The following MTREX variants were observed in gnomAD, a reference collection of about 807,000 sequenced individuals.
MTREX encodes the protein exosome RNA helicase MTR4.
In MTREX, 76 loss-of-function variants were observed where a neutral mutation model predicts 135.4. The ratio of observed to expected loss-of-function variants is 0.56; its 90% CI spans 0.47 to 0.68. The LOEUF is 0.68. Among genes scored for constraint, MTREX ranks in the 30% least tolerant of loss-of-function variants. MTREX has a pLI of 0.00. For synonymous variants in MTREX, 404 were observed against 401.6 expected, an observed-to-expected ratio of 1.01 and a Z score of -0.07; for missense variants, 920 against 1,262.1, an observed-to-expected ratio of 0.73 and a Z score of 4.11.
intron 1 of MTREX, among the ~76,000 whole-genome samples, chr5:55,314,502 C>T (rs764037403): frequency 3.9e-5 from 6 of 152,142 alleles, no homozygotes; most frequent in Admixed American, 3.9e-4. Context: ...TAGAAGGGCT[C>T]TGGCTGACTT....
Position 55,322,569 on chromosome 5 carries a change from G to T in MTREX, c.272+105G>T, listed in dbSNP as rs183182873. ...GCTACTTAGATATATGCCCGTATTA[G>T]AGAAATGAAGATATTCTTTCTATTT... On this transcript the variant is annotated intron_variant, in intron 2 of 26. Coordinates refer to ENST00000230640, the MANE Select transcript of MTREX (RefSeq NM_015360.5). 7 of 732,400 alleles carry T rather than the reference G, an allele frequency of 9.6e-6. No homozygotes were observed. In the Admixed American group the frequency reaches 1.8e-4, roughly 18 times the overall value. The allele number at this position is 732,400 out of a possible 1,614,324, so 45.4% of individuals were successfully genotyped here. A position where few individuals can be genotyped will look rare whatever the true frequency, so the allele number is the denominator to read the frequency against.
rs142631916 is a variant in MTREX at position 55,378,102 on chromosome 5, G to A, written c.1811-212G>A. Among the ~76,000 whole-genome samples the A allele has an allele frequency of 5.2e-3, 796 of 152,142 alleles. 7 individuals carry two copies. Among genetic ancestry groups the A allele is most frequent in the African/African-American group, 0.018 (763 of 41,506 alleles). ...ACATTTCTTTGCAGTTGTCAGTCAT[G>A]TCTATCCAATAAAGCCTCCATAAAA... is the stretch of plus-strand genomic sequence containing the variant. On this transcript the variant is annotated intron_variant, in intron 16 of 26. Transcript: ENST00000230640.
At chr5:55,351,988 A>AT (rs548964162) in intron 13 of MTREX, among the ~76,000 whole-genome samples, 1 of 147,236 alleles carries the variant, frequency 6.8e-6, no homozygotes, top group East Asian at 2.0e-4. Context: ...TCCCCAACTA[A>AT]TTTTTTTTTC....
In MTREX at chr5:55,385,223, G is replaced by T. The variant is rs1357677420; in HGVS notation, c.2053-2751G>T. On this transcript the variant is annotated intron_variant, in intron 18 of 26. Coordinates refer to ENST00000230640, the MANE Select transcript of MTREX (RefSeq NM_015360.5). Reference sequence around the variant, plus strand: ...GAAGCAGGGGCATAGGTGGAGGGTTGGGGTGTAGCCTCAGGTATTTTCATC... The same window carrying T: ...GAAGCAGGGGCATAGGTGGAGGGTTTGGGTGTAGCCTCAGGTATTTTCATC... Among the ~76,000 whole-genome samples the T allele has an allele frequency of 5.3e-5, 8 of 152,236 alleles. No homozygotes were observed. The East Asian group carries it at 1.5e-3, about 29-fold the overall frequency.
intron 1 of MTREX, among the ~76,000 whole-genome samples, chr5:55,314,719 C>T (rs895884871): frequency 4.6e-5 from 7 of 152,198 alleles, no homozygotes; most frequent in Non-Finnish European, 2.9e-5. Flanking sequence ...TTTAAGCCAA[C>T]CATCGCCAAC....
intron 14 of MTREX, chr5:55,356,474 G>T (rs945465255): frequency 8.3e-5 from 17 of 205,404 alleles, no homozygotes; most frequent in Non-Finnish European, 1.5e-4. Context: ...AGATGAACTG[G>T]TGCAGATTCT....
chr5:55,353,289 T>C lies in MTREX; in HGVS notation c.1533+20T>C, dbSNP rs773500826. The C allele has an allele frequency of 1.3e-6, 2 of 1,507,100 alleles. No homozygotes were observed. Among genetic ancestry groups the C allele is most frequent in the Non-Finnish European group, 1.8e-6 (2 of 1,092,048 alleles). 93.4% of individuals were successfully genotyped at this position (1,507,100 alleles called of 1,614,324 possible). A position where few individuals can be genotyped will look rare whatever the true frequency, so the allele number is the denominator to read the frequency against. On this transcript the variant is annotated intron_variant, in intron 14 of 26. Coordinates refer to ENST00000230640, the MANE Select transcript of MTREX (RefSeq NM_015360.5). ...CGATGGGTAAGTAAAGCAATTCATATATCAAAATAATTTTTGTCTTTGTTA... is the reference window on the plus strand; with the variant it reads ...CGATGGGTAAGTAAAGCAATTCATACATCAAAATAATTTTTGTCTTTGTTA...
chr5:55,309,849 A>G (rs1324846605), intron 1 of MTREX, among the ~76,000 whole-genome samples: 1 of 152,226 alleles, frequency 6.6e-6, no homozygotes, highest in Non-Finnish European at 1.5e-5. Context: ...AAGAGATTAG[A>G]GGGATAAGAG....
At chr5:55,336,751 G>A (rs572275402) in intron 5 of MTREX, among the ~76,000 whole-genome samples, 3 of 152,256 alleles carry the variant, frequency 2.0e-5, no homozygotes, top group East Asian at 1.9e-4. Flanking sequence ...TTGTCTCTCC[G>A]TATCCATGGG....
At chr5:55,378,765 T>G (rs1192628467) in intron 17 of MTREX, among the ~76,000 whole-genome samples, 2 of 152,210 alleles carry the variant, frequency 1.3e-5, no homozygotes, top group Non-Finnish European at 2.9e-5. Flanking sequence ...ATGCTAACTA[T>G]AACTGTTCAT....
chr5:55,350,843 T>C (rs1749815658), intron 12 of MTREX, 76 bp from the exon 13 acceptor site: 1 of 1,210,226 alleles, frequency 8.3e-7, no homozygotes, highest in Non-Finnish European at 1.2e-6. Flanking sequence ...CTTTACTGTT[T>C]TTCTTAATTT....
In MTREX at chr5:55,402,872, G is replaced by GTGTATA. The variant is rs70992784; in HGVS notation, c.2481+2452_2481+2453insGTATAT. On this transcript the variant is annotated intron_variant, in intron 21 of 26. Transcript: ENST00000230640. ...TATGTATGTGTGTGTGTGTGTGTGT[G>GTGTATA]TATATATATAATTTCTTTTTTTTTT... Among the ~76,000 whole-genome samples the GTGTATA allele has an allele frequency of 4.9e-3, 674 of 138,842 alleles. 15 individuals carry two copies. The highest frequency in any genetic ancestry group is 0.039 in the Admixed American group (523 of 13,574). 91.1% of individuals were successfully genotyped at this position (138,842 alleles called of 152,430 possible).
At chr5:55,345,041 T>G (rs1347608453) in intron 9 of MTREX, 53 bp from the exon 10 acceptor site, 9 of 1,068,204 alleles carry the variant, frequency 8.4e-6, no homozygotes, top group Non-Finnish European at 1.3e-5. Context: ...GAAAAATGTT[T>G]GAATTATGAT....
chr5:55,376,102 A>C (rs1011497472), intron 16 of MTREX, among the ~76,000 whole-genome samples: 1 of 152,234 alleles, frequency 6.6e-6, no homozygotes, highest in African/African-American at 2.4e-5. Context: ...TAATCCATAA[A>C]GATTTTCTGC....
intron 4 of MTREX, among the ~76,000 whole-genome samples, chr5:55,328,409 C>T (rs181098904): frequency 2.6e-5 from 4 of 152,106 alleles, no homozygotes; most frequent in Admixed American, 2.0e-4. Flanking sequence ...TGCCTGGCCA[C>T]AGAGCTTGTT....
intron 19 of MTREX, among the ~76,000 whole-genome samples, chr5:55,392,558 A>G (rs976425984): frequency 6.6e-5 from 10 of 152,042 alleles, no homozygotes; most frequent in African/African-American, 2.2e-4. Flanking sequence ...AAAAAAAAAA[A>G]AAAAAATTCC....
chr5:55,309,165 T>G (rs1271709982), intron 1 of MTREX, among the ~76,000 whole-genome samples: 4 of 152,188 alleles, frequency 2.6e-5, no homozygotes, highest in Non-Finnish European at 5.9e-5. Flanking sequence ...TTGTTTGTTT[T>G]TAGGAGCATA....
At chr5:55,349,414 T>G (rs990639374) in intron 11 of MTREX, among the ~76,000 whole-genome samples, 159 bp from the exon 12 acceptor site, 1 of 152,062 alleles carries the variant, frequency 6.6e-6, no homozygotes, top group Non-Finnish European at 1.5e-5. Flanking sequence ...TTCTCAAACT[T>G]CTGGCCTCAA....
chr5:55,402,600 A>G (rs1422725790), intron 21 of MTREX, among the ~76,000 whole-genome samples: 1 of 152,236 alleles, frequency 6.6e-6, no homozygotes, highest in Non-Finnish European at 1.5e-5. Context: ...ATGCATAAGC[A>G]TAACATGAAA....
Sources: gnomAD v4.1 joint callset for allele counts (sites outside exome capture counted in the v4.1 genomes callset) on GRCh38, gnomAD v4.1.1 for gene constraint, MANE v1.5 for transcripts, NCBI Gene and HGNC (gene_info 2026-07-23, HGNC 2026-07-21) for gene names.